MMP26: variants seen among roughly 807,000 people sequenced by gnomAD.
MMP26 encodes matrix metalloproteinase-26.
Under a neutral mutation model 31.0 loss-of-function variants are expected in MMP26, and 33 were observed. The observed-to-expected ratio is 1.06, with a 90% CI of 0.81 to 1.42. The LOEUF is 1.42. Ranked by LOEUF, MMP26 falls within the 40% of genes most tolerant of loss-of-function variation. The pLI is 0.00. For missense variants in MMP26, 347 were observed against 316.1 expected (o/e 1.10, Z -0.74); for synonymous variants, 122 against 114.9 (o/e 1.06, Z -0.40).
At chr11:4,774,551 C>A (rs1848766851) in intron 2 of MMP26, among the ~76,000 whole-genome samples, 1 of 152,020 alleles carries the variant, frequency 6.6e-6, no homozygotes, top group African/African-American at 2.4e-5. Flanking sequence ...GAATAGATGG[C>A]AAAATTTTTT....
Position 4,989,686 on chromosome 11 carries a change from G to T in MMP26, c.138G>T (p.Ser46=), listed in dbSNP as rs755146432. The T allele has an allele frequency of 1.9e-6, 3 of 1,613,342 alleles. No homozygotes were observed. Among genetic ancestry groups the T allele is most frequent in the East Asian group, 4.5e-5 (2 of 44,858 alleles). ...FHQFFLTKKE[S]PLLTQETQTQ... is the part of the protein sequence containing the mutation. ...AATTTTTCCTGACCAAGAAGGAGTC[G>T]CCACTCCTTACCCAGGAGACACAAA... The change falls in exon 4 of 8, where the codon TCG becomes TCT. Residue 46 remains serine, a synonymous_variant. Coordinates refer to ENST00000380390, the MANE Select transcript of MMP26 (RefSeq NM_021801.5).
intron 1 of MMP26, among the ~76,000 whole-genome samples, chr11:4,755,050 A>T (rs1214202948): frequency 6.6e-6 from 1 of 151,954 alleles, no homozygotes; most frequent in Non-Finnish European, 1.5e-5. Context: ...ATCTGCATAG[A>T]CTTTCACCTT....
At chr11:4,813,906 C>G (rs1849384579) in intron 2 of MMP26, among the ~76,000 whole-genome samples, 1 of 152,026 alleles carries the variant, frequency 6.6e-6, no homozygotes, top group Non-Finnish European at 1.5e-5. Flanking sequence ...ATGCATATAT[C>G]TGACAAAGAG....
chr11:4,848,057 T>C, intron 2 of MMP26: 1 of 624,966 alleles, frequency 1.6e-6, no homozygotes, highest in Non-Finnish European at 2.7e-6. Context: ...TCATGTTCAT[T>C]CTTTGGGGCT....
chr11:4,792,583 G>A (rs1291902084), intron 2 of MMP26, among the ~76,000 whole-genome samples: 1 of 152,142 alleles, frequency 6.6e-6, no homozygotes, highest in East Asian at 1.9e-4. Flanking sequence ...GTCAGAATAA[G>A]AGAACACACA....
intron 1 of MMP26, among the ~76,000 whole-genome samples, chr11:4,742,414 T>C (rs1848326807): frequency 6.6e-6 from 1 of 152,098 alleles, no homozygotes; most frequent in Admixed American, 6.5e-5. Context: ...AAGTTCCAAG[T>C]ATAGTTGGAA....
chr11:4,750,851 A>G (rs1369073359), intron 1 of MMP26, among the ~76,000 whole-genome samples: 1 of 152,028 alleles, frequency 6.6e-6, no homozygotes, highest in Non-Finnish European at 1.5e-5. Context: ...CGCCTATACT[A>G]AAAGCCCAGA....
At chr11:4,725,059 G>A (rs1848079425) in intron 1 of MMP26, among the ~76,000 whole-genome samples, 1 of 152,108 alleles carries the variant, frequency 6.6e-6, no homozygotes, top group African/African-American at 2.4e-5. Flanking sequence ...GTGAGATCTG[G>A]TCGTTTAGGA....
chr11:4,757,500 C>T (rs1352985624), intron 1 of MMP26, among the ~76,000 whole-genome samples: 1 of 151,558 alleles, frequency 6.6e-6, no homozygotes, highest in African/African-American at 2.4e-5. Flanking sequence ...AAAAAAAGTA[C>T]AATTTAAAAG....
rs1307748882 is a variant in MMP26, at chr11:4,769,423, A to G, written c.-145+2082A>G. ...TCATTCTACAGAAATAGAGAGGCTT[A>G]AGGAGCAAAAGTAGTGGCAATATTA... is the stretch of plus-strand genomic sequence containing the variant. On this transcript the variant is annotated intron_variant, in intron 2 of 7. Coordinates refer to ENST00000380390, the MANE Select transcript of MMP26 (RefSeq NM_021801.5). 1.9e-6 allele frequency: 3 copies of G among 1,613,666 alleles called. No individual in the cohort carries two copies. In the African/African-American group the frequency reaches 4.0e-5, roughly 22 times the overall value.
At chr11:4,820,047 A>G (rs1849474372) in intron 2 of MMP26, among the ~76,000 whole-genome samples, 2 of 152,182 alleles carry the variant, frequency 1.3e-5, no homozygotes, top group South Asian at 4.1e-4. Context: ...TTAACATTTG[A>G]CACATCAAAC....
chr11:4,753,691 T>C (rs972916705), intron 1 of MMP26, among the ~76,000 whole-genome samples: 4 of 152,146 alleles, frequency 2.6e-5, no homozygotes, highest in African/African-American at 4.8e-5. Flanking sequence ...AAATTTCATT[T>C]ACTCCATTTA....
At chr11:4,904,110 G>A (rs775938591) in intron 2 of MMP26, among the ~76,000 whole-genome samples, 5 of 152,024 alleles carry the variant, frequency 3.3e-5, no homozygotes, top group Non-Finnish European at 5.9e-5. Context: ...AAGGAAAATG[G>A]CTAAGGAAGT....
intron 2 of MMP26, among the ~76,000 whole-genome samples, chr11:4,907,154 T>C (rs1294349432): frequency 1.4e-5 from 2 of 146,002 alleles, no homozygotes; most frequent in Non-Finnish European, 3.0e-5. Flanking sequence ...TAGGACAAGT[T>C]GTTAGAAGTG....
At chr11:4,935,528 A>G (rs1851426084) in intron 2 of MMP26, among the ~76,000 whole-genome samples, 1 of 151,354 alleles carries the variant, frequency 6.6e-6, no homozygotes, top group African/African-American at 2.4e-5. Context: ...GCAAACAGGG[A>G]CAATTTGACT....
At chr11:4,835,203 GACACACACAC>G (rs3064937) in intron 2 of MMP26, among the ~76,000 whole-genome samples, 1 of 143,126 alleles carries the variant, frequency 7.0e-6, no homozygotes, top group Non-Finnish European at 1.5e-5. Context: ...CTCTCTTTCT[GACACACACAC>G]ACACACACAC....
chr11:4,723,084 G>T, intron 1 of MMP26: 1 of 1,374,940 alleles, frequency 7.3e-7, no homozygotes, highest in Non-Finnish European at 1.0e-6. Flanking sequence ...AGCTGTCACG[G>T]CATGTTCTGC....
At chr11:4,868,311 A>G (rs1038415725) in intron 2 of MMP26, among the ~76,000 whole-genome samples, 1 of 152,158 alleles carries the variant, frequency 6.6e-6, no homozygotes, top group African/African-American at 2.4e-5. Flanking sequence ...TTGTACCTTT[A>G]GAAAACCCCA....
rs562581265 is a variant in MMP26, at chr11:4,727,126, G to GA, written c.-217+22088dup. On this transcript the variant is annotated intron_variant, in intron 1 of 7. Transcript: ENST00000380390. The stretch of plus-strand genomic sequence containing the variant: ...TGTCAACATTTTTATCCAAGGGTAA[G>GA]AAAAAAATGTTTTCCACTGAGTAGC... 9.2e-3 allele frequency among the ~76,000 whole-genome samples: 1,397 copies of GA among 152,028 alleles called. 21 individuals are homozygous for GA. The highest frequency in any genetic ancestry group is 0.032 in the African/African-American group (1,309 of 41,426).
Sources: allele counts gnomAD v4.1 joint callset (sites outside exome capture counted in the v4.1 genomes callset), GRCh38; gene constraint gnomAD v4.1.1; transcripts MANE v1.5; gene names NCBI Gene and HGNC (gene_info 2026-07-23, HGNC 2026-07-21).